The following GRID2 variants were observed in gnomAD, a reference collection of about 807,000 sequenced individuals.
GRID2 encodes glutamate ionotropic receptor delta type subunit 2, also known as glutamate receptor ionotropic, delta-2.
GRID2 carries 33 observed loss-of-function variants against 114.8 expected under a neutral mutation model. The observed-to-expected ratio is 0.29, with a 90% CI of 0.22 to 0.38. GRID2 has a LOEUF of 0.38. Among genes scored for constraint, GRID2 ranks in the 10% least tolerant of loss-of-function variants. The pLI, the probability that GRID2 is intolerant of heterozygous loss-of-function variation, is 1.00. For missense variants in GRID2, 1,184 were observed against 1,257.7 expected (o/e 0.94, Z 0.89); for synonymous variants, 505 against 449.9 (o/e 1.12, Z -1.55).
Position 93,438,398 on chromosome 4 carries a change from T to C in GRID2, c.1545+15430T>C, listed in dbSNP as rs569301910. Among the ~76,000 whole-genome samples, 20 of 152,098 alleles carry C rather than the reference T, an allele frequency of 1.3e-4. No homozygotes were observed. In the South Asian group the frequency reaches 1.7e-3, roughly 13 times the overall value. On this transcript the variant is annotated intron_variant, in intron 10 of 15. Coordinates refer to ENST00000282020, the MANE Select transcript of GRID2 (RefSeq NM_001510.4). Reference sequence around the variant, plus strand: ...TGAGTAGGAGTATAAGAGGCAACAATAGGGATAATTATAAAAGCATGTTTG... The same window carrying C: ...TGAGTAGGAGTATAAGAGGCAACAACAGGGATAATTATAAAAGCATGTTTG...
At chr4:92,602,435 A>G (rs1211673531) in intron 2 of GRID2, among the ~76,000 whole-genome samples, 2 of 152,168 alleles carry the variant, frequency 1.3e-5, no homozygotes, top group African/African-American at 4.8e-5. Flanking sequence ...TTACATAAAC[A>G]GAACTAAAGA....
chr4:93,024,738 T>G (rs1323032134), intron 2 of GRID2, among the ~76,000 whole-genome samples: 2 of 151,784 alleles, frequency 1.3e-5, no homozygotes, highest in African/African-American at 4.8e-5. Flanking sequence ...TAAAAAGTAC[T>G]TAGGTAGTAT....
chr4:93,659,855 T>TCCCGGGAGGCGGA (rs1723330645), intron 14 of GRID2, among the ~76,000 whole-genome samples: 2 of 152,104 alleles, frequency 1.3e-5, no homozygotes, highest in African/African-American at 4.8e-5. Flanking sequence ...ATATAAGATC[T>TCCCGGGAGGCGGA]GACCCTTTTG....
chr4:92,803,264 A>G (rs1433251646), intron 2 of GRID2, among the ~76,000 whole-genome samples: 3 of 151,948 alleles, frequency 2.0e-5, no homozygotes, highest in Admixed American at 6.6e-5. Flanking sequence ...AAGGAATTCA[A>G]TATCCCTTTG....
intron 8 of GRID2, among the ~76,000 whole-genome samples, chr4:93,273,644 A>C (rs1751744596): frequency 6.6e-6 from 1 of 152,104 alleles, no homozygotes; most frequent in Non-Finnish European, 1.5e-5. Flanking sequence ...CATGGGACCT[A>C]AAAGGGAAAA....
At chr4:92,786,722 C>T (rs1739339957) in intron 2 of GRID2, among the ~76,000 whole-genome samples, 1 of 151,870 alleles carries the variant, frequency 6.6e-6, no homozygotes, top group Admixed American at 6.6e-5. Context: ...TTTGATGATG[C>T]TGTATTCATT....
At chr4:93,117,414 G>A (rs2149358783) in intron 4 of GRID2, among the ~76,000 whole-genome samples, 1 of 151,924 alleles carries the variant, frequency 6.6e-6, no homozygotes, top group Non-Finnish European at 1.5e-5. Context: ...ATACATTTAC[G>A]TACAATCAGT....
At chr4:92,340,115 A>C (rs1727401165) in intron 1 of GRID2, among the ~76,000 whole-genome samples, 1 of 152,346 alleles carries the variant, frequency 6.6e-6, no homozygotes, top group Non-Finnish European at 1.5e-5. Context: ...TAAGATAATT[A>C]TAAAATAAAG....
intron 2 of GRID2, among the ~76,000 whole-genome samples, chr4:92,812,543 T>A (rs950466558): frequency 1.1e-4 from 17 of 152,120 alleles, no homozygotes; most frequent in Admixed American, 6.6e-5. Flanking sequence ...CCACTGTGAT[T>A]TTAAATGTAG....
intron 11 of GRID2, among the ~76,000 whole-genome samples, chr4:93,472,568 G>T (rs1724945451): frequency 6.6e-6 from 1 of 152,022 alleles, no homozygotes; most frequent in Admixed American, 6.5e-5. Flanking sequence ...ATAAAAATAA[G>T]GAAAAAGAAT....
At chr4:93,042,692 CAT>C (rs917955921) in intron 2 of GRID2, among the ~76,000 whole-genome samples, 13 of 133,742 alleles carry the variant, frequency 9.7e-5, no homozygotes, top group East Asian at 6.5e-4. Context: ...TATATATATG[CAT>C]ATATATATGC....
At chr4:93,205,838 A>G (rs529931777) in intron 4 of GRID2, among the ~76,000 whole-genome samples, 13 of 152,130 alleles carry the variant, frequency 8.5e-5, no homozygotes, top group Middle Eastern at 3.4e-3. Flanking sequence ...TGACTTTTTA[A>G]TGATCGCCAT....
intron 1 of GRID2, among the ~76,000 whole-genome samples, chr4:92,384,783 T>G (rs899291225): frequency 1.4e-5 from 2 of 146,146 alleles, no homozygotes; most frequent in African/African-American, 5.1e-5. Context: ...TTCAAGATAA[T>G]AAGTGTTAGG....
At chr4:92,819,912 G>A (rs1741163430) in intron 2 of GRID2, among the ~76,000 whole-genome samples, 1 of 152,086 alleles carries the variant, frequency 6.6e-6, no homozygotes, top group Non-Finnish European at 1.5e-5. Flanking sequence ...ATGAATAATA[G>A]TGAGAATTAT....
rs1265192319 is a variant in GRID2 at position 93,216,761 on chromosome 4, G to A, written c.813G>A (p.Gln271=). 6.2e-7 allele frequency: 1 copy of A among 1,611,158 alleles called. No homozygotes were observed. The highest frequency in any genetic ancestry group is 1.1e-5 in the South Asian group (1 of 90,988). ...INEEINDVDV[Q]ELVRRSIGRL... ...AGGAAATAAACGATGTGGACGTACA[G>A]GAACTTGTAAGAAGGTCAATTGGAA... The change falls in exon 6 of 16, where the codon CAG becomes CAA. Residue 271 remains glutamine (Q), a synonymous_variant. Coordinates refer to ENST00000282020, the MANE Select transcript of GRID2 (RefSeq NM_001510.4).
At chr4:92,572,856 C>G (rs1727699105) in intron 1 of GRID2, among the ~76,000 whole-genome samples, 1 of 149,028 alleles carries the variant, frequency 6.7e-6, no homozygotes, top group Non-Finnish European at 1.5e-5. Flanking sequence ...AGGAGGAGTC[C>G]TTCTTTTTCA....
At chr4:92,384,583 T>TA (rs369279524) in intron 1 of GRID2, among the ~76,000 whole-genome samples, 13 of 40,096 alleles carry the variant, frequency 3.2e-4, no homozygotes, top group South Asian at 2.8e-3. Context: ...ATAAAATATA[T>TA]TATATTATAT....
intron 13 of GRID2, among the ~76,000 whole-genome samples, chr4:93,622,152 C>T (rs1051418870): frequency 3.3e-5 from 5 of 152,060 alleles, no homozygotes; most frequent in African/African-American, 1.2e-4. Context: ...AAATTTAGAC[C>T]TAGGGAGCTA....
chr4:92,920,206 C>A (rs1749192865), intron 2 of GRID2, among the ~76,000 whole-genome samples: 1 of 152,112 alleles, frequency 6.6e-6, no homozygotes, highest in Non-Finnish European at 1.5e-5. Flanking sequence ...CTTGGTAGAT[C>A]TTCCTCCATC....
Sources: gnomAD v4.1 joint callset for allele counts (sites outside exome capture counted in the v4.1 genomes callset) on GRCh38, gnomAD v4.1.1 for gene constraint, MANE v1.5 for transcripts, NCBI Gene and HGNC (gene_info 2026-07-23, HGNC 2026-07-21) for gene names.